The following GLG1 variants were observed in gnomAD, a reference collection of about 807,000 sequenced individuals.
GLG1 encodes the protein Golgi apparatus protein 1.
Under a neutral mutation model 160.5 loss-of-function variants are expected in GLG1, and 38 were observed. The ratio of observed to expected loss-of-function variants is 0.24; its 90% CI spans 0.18 to 0.31. The LOEUF (loss-of-function observed/expected upper bound fraction) is 0.31. Ranked by LOEUF, GLG1 falls within the 10% of genes least tolerant of loss-of-function variation. The probability of loss-of-function intolerance (pLI) is 1.00; values close to 1 mark genes in which losing one functional copy is unlikely to be tolerated. For missense variants in GLG1, 1,373 were observed against 1,505.2 expected (o/e 0.91, Z 1.45); for synonymous variants, 644 against 543.4 (o/e 1.19, Z -2.57).
chr16:74,572,339 C>T (rs576119200), intron 1 of GLG1, among the ~76,000 whole-genome samples: 4 of 152,084 alleles, frequency 2.6e-5, no homozygotes, highest in Admixed American at 2.0e-4. Flanking sequence ...AGTGAAACCC[C>T]GTCTCTACCA....
intron 1 of GLG1, among the ~76,000 whole-genome samples, chr16:74,593,372 A>C (rs1023269708): frequency 4.6e-5 from 7 of 152,050 alleles, no homozygotes; most frequent in Admixed American, 1.3e-4. Flanking sequence ...AGTTCTGTTA[A>C]ATGACTTGCA....
intron 5 of GLG1, 81 bp downstream of exon 5, chr16:74,496,360 A>T: frequency 1.0e-6 from 1 of 995,070 alleles, no homozygotes; most frequent in Non-Finnish European, 1.5e-6. Flanking sequence ...CTCAAAAAAC[A>T]ACACAATTAA....
chr16:74,459,548 G>C (rs1275900219), intron 23 of GLG1, 134 bp downstream of exon 23: 2 of 646,786 alleles, frequency 3.1e-6, no homozygotes, highest in South Asian at 3.6e-5. Flanking sequence ...AGAAGGAACA[G>C]CAAGAAAAGA....
chr16:74,590,528 G>T (rs911383094), intron 1 of GLG1, among the ~76,000 whole-genome samples: 1 of 150,786 alleles, frequency 6.6e-6, no homozygotes, highest in Non-Finnish European at 1.5e-5. Flanking sequence ...GGCTGAGGCA[G>T]GAGAATGGCG....
Position 74,496,107 on chromosome 16 carries a change from T to A in GLG1, c.978+334A>T, listed in dbSNP as rs189210403. The stretch of plus-strand genomic sequence containing the variant: ...AGCAATGCCCCATCTCTACAAAAAA[T>A]TTTTAAAAAAATTGGCCAGGCAAGA... On this transcript the variant is annotated intron_variant, in intron 5 of 25. Coordinates refer to ENST00000422840, the MANE Select transcript of GLG1 (RefSeq NM_001145667.2). Among the ~76,000 whole-genome samples, 22 of 152,112 alleles carry A rather than the reference T, an allele frequency of 1.4e-4. 1 individual carries two copies. Among genetic ancestry groups the A allele is most frequent in the Admixed American group, 1.0e-3 (16 of 15,246 alleles).
At chr16:74,481,070 A>C (rs2015582085) in intron 10 of GLG1, among the ~76,000 whole-genome samples, 1 of 152,198 alleles carries the variant, frequency 6.6e-6, no homozygotes, top group African/African-American at 2.4e-5. Context: ...CAGGCAATTC[A>C]CAACTTTTTA....
intron 1 of GLG1, among the ~76,000 whole-genome samples, chr16:74,590,677 A>T (rs1001700455): frequency 2.7e-5 from 4 of 149,900 alleles, no homozygotes; most frequent in African/African-American, 9.8e-5. Context: ...CATGCTTGTA[A>T]TCCCAGCTAC....
In GLG1 at chr16:74,453,035, T is replaced by C; in HGVS notation, c.*132A>G. ...GTGGAGGCTGGATGGGACAACGCAG[T>C]GGACATCTGCTAATGCTCTAACACG... On this transcript the variant is annotated 3_prime_UTR_variant, in exon 26 of 26. Coordinates refer to ENST00000422840, the MANE Select transcript of GLG1 (RefSeq NM_001145667.2). 2 of 1,477,950 alleles carry C rather than the reference T, an allele frequency of 1.4e-6. No individual in the cohort carries two copies. The highest frequency in any genetic ancestry group is 1.8e-6 in the Non-Finnish European group (2 of 1,114,176). 91.6% of individuals were successfully genotyped at this position (1,477,950 alleles called of 1,614,324 possible). A position where few individuals can be genotyped will look rare whatever the true frequency, so the allele number is the denominator to read the frequency against.
At chr16:74,574,176 T>G (rs970541162) in intron 1 of GLG1, among the ~76,000 whole-genome samples, 1 of 152,194 alleles carries the variant, frequency 6.6e-6, no homozygotes, top group Non-Finnish European at 1.5e-5. Flanking sequence ...GAAGATGAAG[T>G]GGAAAAAACA....
intron 25 of GLG1, among the ~76,000 whole-genome samples, chr16:74,455,228 A>T (rs2014488569): frequency 6.6e-6 from 1 of 152,086 alleles, no homozygotes; most frequent in Admixed American, 6.6e-5. Context: ...CCAGGTGCAC[A>T]TGTCCCCATT....
intron 11 of GLG1, 83 bp downstream of exon 11, chr16:74,480,158 G>C: frequency 5.2e-6 from 6 of 1,149,926 alleles, no homozygotes; most frequent in Non-Finnish European, 7.7e-6. Context: ...TTCCTAATAT[G>C]ACTGAAATCA....
chr16:74,550,603 T>A (rs1239659221), intron 1 of GLG1, among the ~76,000 whole-genome samples: 2 of 152,234 alleles, frequency 1.3e-5, no homozygotes, highest in Admixed American at 1.3e-4. Context: ...TTAAAGAGTA[T>A]TTTTTAATTG....
intron 1 of GLG1, among the ~76,000 whole-genome samples, chr16:74,585,709 CAAA>C (rs556357835): frequency 1.2e-4 from 12 of 100,172 alleles, no homozygotes; most frequent in Admixed American, 2.0e-4. Flanking sequence ...GACTCCGTCT[CAAA>C]AAAAAAAAAA....
chr16:74,538,475 C>T (rs13330282), intron 1 of GLG1, among the ~76,000 whole-genome samples: 102,361 of 151,774 alleles, frequency 0.67, 34,741 homozygotes, highest in East Asian at 0.81. Flanking sequence ...AATGCAATCT[C>T]GATCCTCAGG....
chr16:74,505,921 T>A (rs1337443283), intron 3 of GLG1, among the ~76,000 whole-genome samples: 1 of 151,768 alleles, frequency 6.6e-6, no homozygotes, highest in Non-Finnish European at 1.5e-5. Flanking sequence ...TCCCAGCTAC[T>A]TGGGAGGCTG....
chr16:74,474,688 A>C, intron 12 of GLG1, 56 bp from the exon 13 acceptor site: 1 of 832,020 alleles, frequency 1.2e-6, no homozygotes, highest in Non-Finnish European at 2.1e-6. Flanking sequence ...TGAACAAGGC[A>C]AGGGGAGATA....
chr16:74,604,200 A>T lies in GLG1; in HGVS notation c.438+2457T>A, dbSNP rs558483937. Reference sequence around the variant, plus strand: ...CGAGACCCTGTCTCCATAATAAAAAATTTTTTTTCAGAAAGAAAAGTTCCA... The same window carrying T: ...CGAGACCCTGTCTCCATAATAAAAATTTTTTTTTCAGAAAGAAAAGTTCCA... On this transcript the variant is annotated intron_variant, in intron 1 of 25. Transcript: ENST00000422840. Among the ~76,000 whole-genome samples the T allele has an allele frequency of 1.4e-4, 21 of 152,150 alleles. No homozygotes were observed. In the East Asian group the frequency reaches 1.5e-3, roughly 11 times the overall value.
In GLG1 at chr16:74,475,567, C is replaced by T. The variant is rs571348418; in HGVS notation, c.1966-935G>A. On this transcript the variant is annotated intron_variant, in intron 12 of 25. Transcript: ENST00000422840. The stretch of plus-strand genomic sequence containing the variant: ...GCTATCTTGTGTGGGCTTTGGAAAC[C>T]GAGCTGGAGCTATCTGTAGCATTAG... 1.5e-3 allele frequency among the ~76,000 whole-genome samples: 223 copies of T among 152,268 alleles called. 1 individual carries two copies. In the South Asian group the frequency reaches 0.015, roughly 10 times the overall value.
At chr16:74,544,927 G>A (rs1281659029) in intron 1 of GLG1, among the ~76,000 whole-genome samples, 1 of 151,558 alleles carries the variant, frequency 6.6e-6, no homozygotes, top group African/African-American at 2.4e-5. Flanking sequence ...CTAGAAGAGT[G>A]TTAATTCTGC....
Sources: gnomAD v4.1 joint callset for allele counts (sites outside exome capture counted in the v4.1 genomes callset) on GRCh38, gnomAD v4.1.1 for gene constraint, MANE v1.5 for transcripts, NCBI Gene and HGNC (gene_info 2026-07-23, HGNC 2026-07-21) for gene names.